The following PDE4D variants were observed in gnomAD, a reference collection of about 807,000 sequenced individuals.
The protein encoded by PDE4D is 3',5'-cyclic-AMP phosphodiesterase 4D.
In PDE4D, 24 loss-of-function variants were observed where a neutral mutation model predicts 87.4. That is an observed-to-expected ratio of 0.27 (90% confidence interval 0.20 to 0.39). PDE4D has a LOEUF of 0.39. PDE4D is among the 10% of genes least tolerant of loss of function. The pLI, the probability that PDE4D is intolerant of heterozygous loss-of-function variation, is 1.00. For synonymous variants in PDE4D, 384 were observed against 383.2 expected (o/e 1.00, Z -0.02); for missense variants, 714 against 1,041.0 (o/e 0.69, Z 4.32).
At chr5:59,329,344 A>T (rs534215301) in intron 1 of PDE4D, among the ~76,000 whole-genome samples, 2 of 152,160 alleles carry the variant, frequency 1.3e-5, no homozygotes, top group Non-Finnish European at 2.9e-5. Context: ...TCATGGAATC[A>T]TTTGCTAGGA....
intron 1 of PDE4D, among the ~76,000 whole-genome samples, chr5:59,673,904 C>T (rs940432463): frequency 1.3e-5 from 2 of 151,984 alleles, no homozygotes; most frequent in South Asian, 2.1e-4. Flanking sequence ...ATGTAGTTTC[C>T]GAAATAAATA....
intron 1 of PDE4D, among the ~76,000 whole-genome samples, chr5:59,674,415 G>A (rs961757638): frequency 6.6e-6 from 1 of 152,100 alleles, no homozygotes; most frequent in Non-Finnish European, 1.5e-5. Flanking sequence ...GCATGTCATA[G>A]GAACTCAGGA....
At chr5:59,078,509 C>CT (rs542270740) in intron 5 of PDE4D, among the ~76,000 whole-genome samples, 8,594 of 135,770 alleles carry the variant, frequency 0.063, 850 homozygotes, top group African/African-American at 0.21. Flanking sequence ...AGGTAGGACT[C>CT]TTTTTTTTTT....
intron 6 of PDE4D, among the ~76,000 whole-genome samples, chr5:59,037,951 G>T: frequency 6.6e-6 from 1 of 152,062 alleles, no homozygotes; most frequent in East Asian, 1.9e-4. Flanking sequence ...TCTTGACGAG[G>T]CAACTATTAC....
intron 1 of PDE4D, among the ~76,000 whole-genome samples, chr5:59,872,241 A>G (rs1474256405): frequency 6.6e-6 from 1 of 151,070 alleles, no homozygotes; most frequent in African/African-American, 2.4e-5. Flanking sequence ...AAAACCACTG[A>G]TGGATTCACA....
At chr5:60,115,116 G>GA (rs1778046152) in intron 2 of PDE4D, among the ~76,000 whole-genome samples, 1 of 152,004 alleles carries the variant, frequency 6.6e-6, no homozygotes, top group South Asian at 2.1e-4. Context: ...GAGATATTTT[G>GA]AAAAAACTTC....
At chr5:59,335,455 C>T (rs777413221) in intron 1 of PDE4D, among the ~76,000 whole-genome samples, 1 of 152,190 alleles carries the variant, frequency 6.6e-6, no homozygotes, top group Non-Finnish European at 1.5e-5. Flanking sequence ...CTGTGGTTAT[C>T]AATCTTTGCC....
At chr5:59,709,487 A>C (rs1753901794) in intron 1 of PDE4D, among the ~76,000 whole-genome samples, 2 of 152,206 alleles carry the variant, frequency 1.3e-5, no homozygotes, top group African/African-American at 2.4e-5. Flanking sequence ...CCCTGCTGAG[A>C]AGCTTCCAGA....
chr5:59,183,431 C>T (rs543163141), intron 4 of PDE4D, among the ~76,000 whole-genome samples: 1 of 152,228 alleles, frequency 6.6e-6, no homozygotes, highest in South Asian at 2.1e-4. Flanking sequence ...GGCCTCAGAT[C>T]GTCTCTGGAG....
chr5:59,953,254 A>G (rs1758484218), intron 3 of PDE4D, among the ~76,000 whole-genome samples: 2 of 152,152 alleles, frequency 1.3e-5, no homozygotes, highest in African/African-American at 4.8e-5. Flanking sequence ...GAAAATGGGA[A>G]TTGGGTTCTA....
intron 1 of PDE4D, among the ~76,000 whole-genome samples, chr5:59,502,724 CTCTT>C (rs1364844012): frequency 2.8e-5 from 4 of 143,632 alleles, no homozygotes; most frequent in African/African-American, 5.1e-5. Flanking sequence ...TTTGTTTTAT[CTCTT>C]TTTTTGTAAA....
chr5:59,746,772 G>A (rs1192464573), intron 1 of PDE4D, among the ~76,000 whole-genome samples: 7 of 151,720 alleles, frequency 4.6e-5, no homozygotes, highest in Admixed American at 3.3e-4. Context: ...CCGAGAATAC[G>A]GATTTACTTC....
At chr5:59,393,665 A>T (rs1788693499) in intron 1 of PDE4D, among the ~76,000 whole-genome samples, 1 of 152,208 alleles carries the variant, frequency 6.6e-6, no homozygotes, top group Admixed American at 6.5e-5. Context: ...ATACTTTGTG[A>T]ATCCTCTGAG....
intron 1 of PDE4D, among the ~76,000 whole-genome samples, chr5:60,517,503 T>G (rs1486193968): frequency 2.6e-5 from 4 of 152,166 alleles, no homozygotes; most frequent in Admixed American, 2.6e-4. Context: ...CTGAAGCCCA[T>G]AAAACTCCCT....
intron 1 of PDE4D, among the ~76,000 whole-genome samples, chr5:59,355,021 T>C (rs147852026): frequency 1.1e-4 from 16 of 152,300 alleles, no homozygotes; most frequent in Non-Finnish European, 1.5e-4. Context: ...GGAAACTGAC[T>C]CATGATGGAT....
At chr5:60,271,160 GCACATTTT>G (rs1362016961) in intron 1 of PDE4D, among the ~76,000 whole-genome samples, 1 of 152,124 alleles carries the variant, frequency 6.6e-6, no homozygotes, top group Admixed American at 6.5e-5. Flanking sequence ...GATACCATCA[GCACATTTT>G]CACATTTTCA....
chr5:59,943,661 A>G (rs562631470), intron 3 of PDE4D, among the ~76,000 whole-genome samples: 217 of 152,338 alleles, frequency 1.4e-3, no homozygotes, highest in African/African-American at 5.0e-3. Flanking sequence ...AGTTCCAGCA[A>G]CTGACAGCTC....
chr5:60,151,513 T>C (rs868652622), intron 2 of PDE4D, among the ~76,000 whole-genome samples: 4 of 152,220 alleles, frequency 2.6e-5, no homozygotes, highest in Non-Finnish European at 4.4e-5. Flanking sequence ...TTTGATGTTA[T>C]TGTAGATAAA....
At chr5:59,668,600 T>C (rs991644976) in intron 1 of PDE4D, among the ~76,000 whole-genome samples, 2 of 151,750 alleles carry the variant, frequency 1.3e-5, no homozygotes, top group Admixed American at 6.6e-5. Flanking sequence ...TCCCAGCTAC[T>C]CAGAGGCTGA....
Sources: allele counts gnomAD v4.1 joint callset (sites outside exome capture counted in the v4.1 genomes callset), GRCh38; gene constraint gnomAD v4.1.1; transcripts MANE v1.5; gene names NCBI Gene and HGNC (gene_info 2026-07-23, HGNC 2026-07-21).